ACAP2: variants seen among roughly 807,000 people sequenced by gnomAD.
ACAP2 encodes the protein ArfGAP with coiled-coil, ankyrin repeat and PH domains 2.
ACAP2 carries 39 observed loss-of-function variants against 115.8 expected under a neutral mutation model. The observed-to-expected ratio is 0.34, with a 90% CI of 0.26 to 0.44. ACAP2 has a LOEUF of 0.44. Among genes scored for constraint, ACAP2 ranks in the 20% least tolerant of loss-of-function variants. The pLI is 1.00. For missense variants in ACAP2, 662 were observed against 927.6 expected (o/e 0.71, Z 3.72); for synonymous variants, 289 against 315.8 (o/e 0.92, Z 0.90).
intron 1 of ACAP2, among the ~76,000 whole-genome samples, chr3:195,408,205 T>G (rs1054493336): frequency 7.9e-5 from 12 of 152,184 alleles, no homozygotes; most frequent in Admixed American, 1.3e-4. Context: ...CTCATGCCTG[T>G]AATCCCAGCA....
intron 4 of ACAP2, among the ~76,000 whole-genome samples, chr3:195,349,007 A>G (rs1266155205): frequency 1.3e-5 from 2 of 152,228 alleles, no homozygotes; most frequent in Non-Finnish European, 2.9e-5. Context: ...AAGGAAGAAT[A>G]TAAAATTGTC....
chr3:195,362,876 C>G (rs970872660), intron 4 of ACAP2, among the ~76,000 whole-genome samples: 13 of 152,268 alleles, frequency 8.5e-5, no homozygotes, highest in Admixed American at 6.5e-4. Context: ...AAACTGAAAG[C>G]CTTTTCTCTA....
intron 1 of ACAP2, 88 bp from the exon 2 acceptor site, chr3:195,392,235 T>C: frequency 9.7e-7 from 1 of 1,034,048 alleles, no homozygotes; most frequent in Non-Finnish European, 1.4e-6. Context: ...AAAAGATAGA[T>C]ATGAATGCTT....
chr3:195,297,378 T>C (rs1479923697), intron 15 of ACAP2, 97 bp from the exon 16 acceptor site: 2 of 956,086 alleles, frequency 2.1e-6, no homozygotes, highest in East Asian at 2.5e-5. Flanking sequence ...AGTTAACTAA[T>C]CCCCTTACAC....
intron 4 of ACAP2, among the ~76,000 whole-genome samples, chr3:195,366,693 G>A (rs181493082): frequency 3.0e-4 from 45 of 152,216 alleles, no homozygotes; most frequent in East Asian, 1.9e-4. Flanking sequence ...CTTCTTATTC[G>A]CAAACAATCT....
At chr3:195,359,481 G>C (rs1732204120) in intron 4 of ACAP2, among the ~76,000 whole-genome samples, 1 of 152,092 alleles carries the variant, frequency 6.6e-6, no homozygotes, top group African/African-American at 2.4e-5. Context: ...TTGTTTGTTT[G>C]TTTTGAGACA....
chr3:195,436,607 T>A (rs1164652357), intron 1 of ACAP2, among the ~76,000 whole-genome samples: 1 of 152,184 alleles, frequency 6.6e-6, no homozygotes, highest in Non-Finnish European at 1.5e-5. Context: ...TATAGTTGAA[T>A]CATCCCTGAA....
At chr3:195,327,217 G>A (rs113604271) in intron 8 of ACAP2, among the ~76,000 whole-genome samples, 26 of 152,194 alleles carry the variant, frequency 1.7e-4, no homozygotes, top group African/African-American at 5.1e-4. Flanking sequence ...ATTGCAGACC[G>A]TGTCACAGGT....
chr3:195,420,375 G>C (rs1477233789), intron 1 of ACAP2, among the ~76,000 whole-genome samples: 1 of 152,076 alleles, frequency 6.6e-6, no homozygotes, highest in African/African-American at 2.4e-5. Flanking sequence ...TTGAGACGGA[G>C]TCTCACTCTG....
At chr3:195,360,846 T>A (rs1732308094) in intron 4 of ACAP2, among the ~76,000 whole-genome samples, 1 of 151,338 alleles carries the variant, frequency 6.6e-6, no homozygotes. Flanking sequence ...AAATCTGTAC[T>A]ATAGACCAAA....
rs1162308963 is a variant in ACAP2 at position 195,278,550 on chromosome 3, C to T, written c.*778G>A. ...ACATACTTTTATTCCATCGATACAT[C>T]TGTCAAGGTTTTGGGGAATCAACCC... On this transcript the variant is annotated 3_prime_UTR_variant, in exon 23 of 23. Transcript: ENST00000326793. 2 of 151,534 alleles carry T rather than the reference C, an allele frequency of 1.3e-5. No homozygotes were observed. Among genetic ancestry groups the T allele is most frequent in the Non-Finnish European group, 2.9e-5 (2 of 67,974 alleles). The allele number at this position is 151,534 out of a possible 1,614,324, so 9.4% of individuals were successfully genotyped here. A position where few individuals can be genotyped will look rare whatever the true frequency, so the allele number is the denominator to read the frequency against.
At chr3:195,290,029 ATAAC>A (rs1727134524) in intron 20 of ACAP2, among the ~76,000 whole-genome samples, 1 of 152,188 alleles carries the variant, frequency 6.6e-6, no homozygotes, top group African/African-American at 2.4e-5. Flanking sequence ...ATATGAAAGA[ATAAC>A]TAAATGGAGT....
chr3:195,301,074 CT>C (rs201654778), intron 15 of ACAP2, among the ~76,000 whole-genome samples: 112 of 148,490 alleles, frequency 7.5e-4, no homozygotes, highest in African/African-American at 2.2e-3. Context: ...TAAATATAGC[CT>C]TTTTTTTTTC....
At chr3:195,396,731 G>T (rs552981411) in intron 1 of ACAP2, among the ~76,000 whole-genome samples, 1 of 137,396 alleles carries the variant, frequency 7.3e-6, no homozygotes, top group East Asian at 2.3e-4. Context: ...AGGTTGCAGT[G>T]AGCCAAGATT....
At chr3:195,373,972 G>A (rs539024058) in intron 4 of ACAP2, among the ~76,000 whole-genome samples, 1 of 152,244 alleles carries the variant, frequency 6.6e-6, no homozygotes, top group Non-Finnish European at 1.5e-5. Context: ...GAAACATGAG[G>A]CTGAAACTGA....
chr3:195,374,192 C>T (rs1733361341), intron 4 of ACAP2, among the ~76,000 whole-genome samples: 1 of 152,066 alleles, frequency 6.6e-6, no homozygotes, highest in Admixed American at 6.6e-5. Flanking sequence ...TCGAGACCAG[C>T]CTGGCCAACT....
At chr3:195,384,498 G>A (rs1734158077) in intron 2 of ACAP2, among the ~76,000 whole-genome samples, 1 of 151,976 alleles carries the variant, frequency 6.6e-6, no homozygotes, top group Non-Finnish European at 1.5e-5. Flanking sequence ...AGGCCAAGTT[G>A]GGCAGATCAC....
At chr3:195,376,683 T>C (rs1733567521) in intron 4 of ACAP2, among the ~76,000 whole-genome samples, 1 of 152,242 alleles carries the variant, frequency 6.6e-6, no homozygotes, top group Non-Finnish European at 1.5e-5. Flanking sequence ...ATTTATTTTA[T>C]TAAATGACTG....
At chr3:195,348,039 GA>G (rs1731299413) in intron 4 of ACAP2, among the ~76,000 whole-genome samples, 1 of 137,950 alleles carries the variant, frequency 7.2e-6, no homozygotes, top group Non-Finnish European at 1.5e-5. Context: ...GAAAAGAAAA[GA>G]AAAAAGAAAA....
Sources: allele counts gnomAD v4.1 joint callset (sites outside exome capture counted in the v4.1 genomes callset), GRCh38; gene constraint gnomAD v4.1.1; transcripts MANE v1.5; gene names NCBI Gene and HGNC (gene_info 2026-07-23, HGNC 2026-07-21).